THRAP3: variants seen among roughly 807,000 people sequenced by gnomAD.
THRAP3 encodes thyroid hormone receptor-associated protein 3.
THRAP3 carries 16 observed loss-of-function variants against 101.0 expected under a neutral mutation model. The observed-to-expected ratio is 0.16, with a 90% CI of 0.11 to 0.24. THRAP3 has a LOEUF of 0.24. Among genes scored for constraint, THRAP3 ranks in the 10% least tolerant of loss-of-function variants. The probability of loss-of-function intolerance (pLI) is 1.00; values close to 1 mark genes in which losing one functional copy is unlikely to be tolerated. For synonymous variants in THRAP3, 407 were observed against 422.6 expected (o/e 0.96, Z 0.45); for missense variants, 989 against 1,202.7 (o/e 0.82, Z 2.63).
At chr1:36,236,224 G>GAA (rs1160026977) in intron 1 of THRAP3, among the ~76,000 whole-genome samples, 5 of 108,646 alleles carry the variant, frequency 4.6e-5, no homozygotes, top group Admixed American at 9.8e-5. Flanking sequence ...AGTCTCAAAA[G>GAA]AAAAAAAAAA....
chr1:36,252,025 T>C (rs1645307563), intron 1 of THRAP3, among the ~76,000 whole-genome samples: 1 of 152,248 alleles, frequency 6.6e-6, no homozygotes, highest in Non-Finnish European at 1.5e-5. Flanking sequence ...TTATTTGTTT[T>C]ACTATGAGTT....
chr1:36,290,273 G>A (rs1285806173), intron 5 of THRAP3, among the ~76,000 whole-genome samples: 3 of 151,264 alleles, frequency 2.0e-5, no homozygotes, highest in Admixed American at 2.0e-4. Context: ...TCCACTCACC[G>A]CAAGCTCCGC....
At chr1:36,252,643 C>T (rs991793392) in intron 1 of THRAP3, among the ~76,000 whole-genome samples, 1 of 151,930 alleles carries the variant, frequency 6.6e-6, no homozygotes, top group Non-Finnish European at 1.5e-5. Flanking sequence ...CACCGTGCCT[C>T]ACACCTGCAA....
intron 1 of THRAP3, among the ~76,000 whole-genome samples, chr1:36,234,265 A>T (rs1372820189): frequency 6.6e-6 from 1 of 152,210 alleles, no homozygotes; most frequent in African/African-American, 2.4e-5. Context: ...GATAAAACTG[A>T]TAAGTCCCCT....
chr1:36,232,068 T>G (rs1054098287), intron 1 of THRAP3, among the ~76,000 whole-genome samples: 11 of 151,780 alleles, frequency 7.2e-5, no homozygotes, highest in African/African-American at 1.5e-4. Context: ...ATAGAAAAAT[T>G]AGGCAGGTGT....
chr1:36,240,981 C>T (rs1645147933), intron 1 of THRAP3, among the ~76,000 whole-genome samples: 1 of 151,826 alleles, frequency 6.6e-6, no homozygotes, highest in South Asian at 2.1e-4. Context: ...CTGAGGTGGG[C>T]GGATCACGAG....
intron 2 of THRAP3, among the ~76,000 whole-genome samples, chr1:36,272,371 G>A (rs1161135998): frequency 6.6e-6 from 1 of 152,160 alleles, no homozygotes; most frequent in Non-Finnish European, 1.5e-5. Flanking sequence ...TAATAGCAGA[G>A]TACATGTCAT....
At chr1:36,281,012 G>C (rs1645725086) in intron 2 of THRAP3, among the ~76,000 whole-genome samples, 1 of 149,494 alleles carries the variant, frequency 6.7e-6, no homozygotes, top group African/African-American at 2.5e-5. Context: ...TGTAACCTCT[G>C]CCTCCTGGGT....
intron 2 of THRAP3, among the ~76,000 whole-genome samples, chr1:36,280,368 CAG>C (rs778039566): frequency 1.8e-4 from 27 of 152,232 alleles, no homozygotes; most frequent in Non-Finnish European, 3.2e-4. Flanking sequence ...TAATTAAAGA[CAG>C]AATAACAAGT....
intron 2 of THRAP3, among the ~76,000 whole-genome samples, chr1:36,263,110 T>A (rs1645468662): frequency 6.6e-6 from 1 of 151,272 alleles, no homozygotes; most frequent in Non-Finnish European, 1.5e-5. Flanking sequence ...GCACCCGGCC[T>A]ATTTTATTTA....
the THRAP3 span, among the ~76,000 whole-genome samples, chr1:36,208,333 T>A: frequency 6.6e-6 from 1 of 152,208 alleles, no homozygotes; most frequent in African/African-American, 2.4e-5. Flanking sequence ...TCAGAGAGGA[T>A]AAGTCACTTG....
At chr1:36,222,931 C>A (rs1644913520), upstream of THRAP3, among the ~76,000 whole-genome samples, 1 of 151,984 alleles carries the variant, frequency 6.6e-6, no homozygotes, top group Admixed American at 6.6e-5. Context: ...GAGTCTGATA[C>A]CAGCTTGGCC....
chr1:36,303,647 G>A (rs1646057832), intron 11 of THRAP3, 149 bp from the exon 12 acceptor site: 2 of 1,210,450 alleles, frequency 1.7e-6, no homozygotes, highest in African/African-American at 1.5e-5. Flanking sequence ...TTTTGGAGTG[G>A]GGGACAGGGA....
chr1:36,253,856 T>TG (rs1645340713), intron 1 of THRAP3, among the ~76,000 whole-genome samples: 2 of 150,688 alleles, frequency 1.3e-5, no homozygotes, highest in African/African-American at 2.4e-5. Context: ...CCTCCTACCT[T>TG]GGCCTCCCAA....
the THRAP3 span, among the ~76,000 whole-genome samples, chr1:36,211,594 T>A: frequency 6.6e-6 from 1 of 152,048 alleles, no homozygotes; most frequent in East Asian, 1.9e-4. Flanking sequence ...AAAACAAGCT[T>A]AGTAACCGCT....
chr1:36,282,794 A>G (rs1645751124), intron 3 of THRAP3, 94 bp downstream of exon 3: 4 of 1,445,956 alleles, frequency 2.8e-6, no homozygotes, highest in Non-Finnish European at 2.9e-6. Flanking sequence ...TGTGAGTGTC[A>G]AATGGACTGG....
intron 1 of THRAP3, among the ~76,000 whole-genome samples, chr1:36,240,909 A>G (rs539107601): frequency 2.0e-5 from 3 of 152,282 alleles, no homozygotes; most frequent in South Asian, 4.1e-4. Flanking sequence ...TTTCCTTCTT[A>G]AGATTTTTAC....
At chr1:36,246,027 A>G (rs1645227004) in intron 1 of THRAP3, among the ~76,000 whole-genome samples, 1 of 152,170 alleles carries the variant, frequency 6.6e-6, no homozygotes, top group Admixed American at 6.6e-5. Context: ...TATGATTATA[A>G]TCTGCATTTT....
rs753061938 is a variant in THRAP3, at chr1:36,286,776, C to T, written c.546C>T (p.Ser182=). The change falls in exon 4 of 12, where the codon TCC becomes TCT. Residue 182 remains serine, a synonymous_variant. Transcript: ENST00000354618. This position sits in a 1 kb window ranked among gnomAD's most constrained non-coding sequence, Gnocchi z 5.5. Reference sequence around the variant, plus strand: ...GCAAGTCTGCAAAGGAGAAAAAGTCCTCTTCTAAGGATAGCCGGCCATCTC... The same window carrying T: ...GCAAGTCTGCAAAGGAGAAAAAGTCTTCTTCTAAGGATAGCCGGCCATCTC... The part of the protein sequence containing the change: ...SKRKSAKEKK[S]SSKDSRPSQA... The T allele has an allele frequency of 2.5e-6, 4 of 1,614,214 alleles. No individual in the cohort carries two copies. In the Admixed American group the frequency reaches 6.7e-5, roughly 27 times the overall value.
Sources: gnomAD v4.1 joint callset for allele counts (sites outside exome capture counted in the v4.1 genomes callset) on GRCh38, gnomAD v4.1.1 for gene constraint, Gnocchi (gnomAD v3.1) non-coding constraint, MANE v1.5 for transcripts, NCBI Gene and HGNC (gene_info 2026-07-23, HGNC 2026-07-21) for gene names.